The following CFAP44 variants were observed in gnomAD, a reference collection of about 807,000 sequenced individuals.
CFAP44 encodes cilia and flagella associated protein 44.
CFAP44 carries 134 observed loss-of-function variants against 216.2 expected under a neutral mutation model. The ratio of observed to expected loss-of-function variants is 0.62; its 90% CI spans 0.54 to 0.72. The LOEUF (loss-of-function observed/expected upper bound fraction) is 0.72, where lower values mean the gene tolerates loss of function less well. Ranked by LOEUF, CFAP44 falls within the 30% of genes least tolerant of loss-of-function variation. The pLI, the probability that CFAP44 is intolerant of heterozygous loss-of-function variation, is 0.00. For missense variants in CFAP44, 2,035 were observed against 2,182.1 expected (o/e 0.93, Z 1.34); for synonymous variants, 700 against 727.6 (o/e 0.96, Z 0.61).
At chr3:113,423,393 G>A (rs1214345589) in intron 4 of CFAP44, among the ~76,000 whole-genome samples, 1 of 152,106 alleles carries the variant, frequency 6.6e-6, no homozygotes, top group Non-Finnish European at 1.5e-5. Flanking sequence ...TGCCTGCCAA[G>A]CCTCCCAAGG....
At chr3:113,344,491 T>C (rs1238190494) in intron 23 of CFAP44, 25 bp downstream of exon 23, 25 of 1,524,696 alleles carry the variant, frequency 1.6e-5, no homozygotes, top group East Asian at 2.4e-5. Flanking sequence ...AATAAGAATT[T>C]AAAAGCCTTC....
chr3:113,339,560 G>A (rs1950311586), intron 24 of CFAP44, among the ~76,000 whole-genome samples: 1 of 152,186 alleles, frequency 6.6e-6, no homozygotes, highest in Admixed American at 6.5e-5. Flanking sequence ...TTTATGCCAT[G>A]AAGCATGGTC....
chr3:113,433,429 CAAA>C (rs58221881), intron 2 of CFAP44, 133 bp downstream of exon 2: 4,308 of 126,006 alleles, frequency 0.034, 2 homozygotes, highest in South Asian at 0.053. Flanking sequence ...AACTCCATCT[CAAA>C]AAAAAAAAAA....
intron 28 of CFAP44, among the ~76,000 whole-genome samples, chr3:113,320,736 G>A (rs1407484607): frequency 6.6e-6 from 1 of 151,978 alleles, no homozygotes; most frequent in Non-Finnish European, 1.5e-5. Context: ...ATGTTCGAGG[G>A]CAGGAAGGGT....
At chr3:113,361,691 G>A (rs1576569924) in intron 21 of CFAP44, among the ~76,000 whole-genome samples, 1 of 151,486 alleles carries the variant, frequency 6.6e-6, no homozygotes, top group Non-Finnish European at 1.5e-5. Flanking sequence ...GTGGAGACAG[G>A]GTTTCACCAT....
chr3:113,412,835 C>A (rs114861284), intron 6 of CFAP44, among the ~76,000 whole-genome samples: 1 of 152,068 alleles, frequency 6.6e-6, no homozygotes, highest in Non-Finnish European at 1.5e-5. Context: ...AATAAACATA[C>A]GTGTGCATGT....
At position 113,373,519 on chromosome 3, in the gene CFAP44, A is replaced by AT; in HGVS notation, c.2335_2336insA (p.Phe779TyrfsTer5). 6.2e-7 allele frequency: 1 copy of AT among 1,600,894 alleles called. No homozygotes were observed. The highest frequency in any genetic ancestry group is 1.3e-5 in the African/African-American group (1 of 74,648). On this transcript the variant is annotated frameshift_variant, in exon 18 of 35. Coordinates refer to ENST00000393845, the MANE Select transcript of CFAP44 (RefSeq NM_001164496.2). LOFTEE classifies it high-confidence loss of function. ...ATCACTGCTTTCATCACAAGGGGGG[A>AT]ACTCACAGTGATATAGAAAACCAGA...
intron 29 of CFAP44, among the ~76,000 whole-genome samples, chr3:113,306,597 G>C (rs1446009284): frequency 1.3e-5 from 2 of 152,132 alleles, no homozygotes. Context: ...CTCACTCAAG[G>C]CTCATAGACC....
chr3:113,420,322 T>A, intron 4 of CFAP44, 143 bp from the exon 5 acceptor site: 1 of 823,796 alleles, frequency 1.2e-6, no homozygotes, highest in Non-Finnish European at 1.7e-6. Context: ...AAACTCATGA[T>A]TTTTCTACAT....
rs1949768917 is a variant in CFAP44, at chr3:113,287,230, G to A, written c.*4327C>T. The A allele has an allele frequency of 2.7e-6, 1 of 366,026 alleles. No homozygotes were observed. The allele number at this position is 366,026 out of a possible 1,614,324, so 22.7% of individuals were successfully genotyped here. A position where few individuals can be genotyped will look rare whatever the true frequency, so the allele number is the denominator to read the frequency against. ...GGCACATGGTTCATCACGAGCATGA[G>A]GGAACAGCAAGGGGCACGGTATCAC... On this transcript the variant is annotated 3_prime_UTR_variant, in exon 35 of 35. Coordinates refer to ENST00000393845, the MANE Select transcript of CFAP44 (RefSeq NM_001164496.2).
At chr3:113,395,954 T>G in intron 14 of CFAP44, 94 bp from the exon 15 acceptor site, 205 of 807,796 alleles carry the variant, frequency 2.5e-4, no homozygotes, top group Non-Finnish European at 3.3e-4. Flanking sequence ...ACGCTATCTC[T>G]ATCTACAATG....
At chr3:113,403,710 G>T in intron 9 of CFAP44, 142 bp downstream of exon 9, 1 of 871,696 alleles carries the variant, frequency 1.1e-6, no homozygotes, top group Non-Finnish European at 1.6e-6. Flanking sequence ...CACAAGAGAA[G>T]CATTATTTAA....
intron 6 of CFAP44, among the ~76,000 whole-genome samples, chr3:113,411,007 G>A (rs1934451940): frequency 6.6e-6 from 1 of 152,014 alleles, no homozygotes. Flanking sequence ...TTTTTTTCTT[G>A]TAAATTTGTT....
At position 113,330,264 on chromosome 3, in the gene CFAP44, C is replaced by T; in HGVS notation, c.4020G>A (p.Leu1340=). Residue 1340 remains leucine, a synonymous_variant, in exon 26 of 35, where the codon TTG becomes TTA. Coordinates refer to ENST00000393845, the MANE Select transcript of CFAP44 (RefSeq NM_001164496.2). ...STFSLDIPKC[L]EFEKAEPTDV... is the part of the protein sequence containing the mutation. ...CCGTTGGCTCTGCTTTTTCAAATTC[C>T]AAACACTTTGGTATATCTAGGCTGA... is the stretch of plus-strand genomic sequence containing the variant. The T allele has an allele frequency of 6.5e-7, 1 of 1,537,414 alleles. No individual in the cohort carries two copies. Among genetic ancestry groups the T allele is most frequent in the Non-Finnish European group, 8.7e-7 (1 of 1,146,922 alleles).
chr3:113,394,114 G>A (rs973159501), intron 15 of CFAP44, among the ~76,000 whole-genome samples: 1 of 152,148 alleles, frequency 6.6e-6, no homozygotes, highest in African/African-American at 2.4e-5. Flanking sequence ...CCTTCACTCA[G>A]TTTCTACCAC....
intron 22 of CFAP44, 144 bp from the exon 23 acceptor site, chr3:113,344,856 A>C: frequency 5.7e-6 from 4 of 695,848 alleles, no homozygotes; most frequent in Non-Finnish European, 8.5e-6. Context: ...ATATATACCA[A>C]CCAGGATGTC....
At chr3:113,294,457 G>A (rs1336799890) in intron 34 of CFAP44, 2 of 484,558 alleles carry the variant, frequency 4.1e-6, no homozygotes, top group Non-Finnish European at 7.2e-6. Flanking sequence ...CTATTGATTA[G>A]TACTTACGTG....
At chr3:113,390,952 C>T (rs1933779786) in intron 15 of CFAP44, among the ~76,000 whole-genome samples, 1 of 152,016 alleles carries the variant, frequency 6.6e-6, no homozygotes, top group Non-Finnish European at 1.5e-5. Context: ...CAATGCCTAT[C>T]AAAATAGCAA....
At chr3:113,327,551 A>T (rs901945813) in intron 27 of CFAP44, 65 bp downstream of exon 27, 1 of 1,410,666 alleles carries the variant, frequency 7.1e-7, no homozygotes, top group African/African-American at 1.4e-5. Flanking sequence ...GTTAAGAAGA[A>T]AAAGAAATCA....
Sources: allele counts gnomAD v4.1 joint callset (sites outside exome capture counted in the v4.1 genomes callset), GRCh38; gene constraint gnomAD v4.1.1; transcripts MANE v1.5; gene names NCBI Gene and HGNC (gene_info 2026-07-23, HGNC 2026-07-21).